The following KCNJ15 variants were observed in gnomAD, a reference collection of about 807,000 sequenced individuals.
KCNJ15 encodes ATP-sensitive inward rectifier potassium channel 15.
A neutral mutation model predicts 23.0 loss-of-function variants in KCNJ15; 14 were observed. That is an observed-to-expected ratio of 0.61 (90% CI 0.40 to 0.95). The LOEUF is 0.95. Ranked by LOEUF, KCNJ15 falls within the 40% of genes least tolerant of loss-of-function variation. The probability of loss-of-function intolerance (pLI) is 0.00; values close to 1 mark genes in which losing one functional copy is unlikely to be tolerated. For synonymous variants in KCNJ15, 185 were observed against 183.2 expected (o/e 1.01, Z -0.08); for missense variants, 388 against 461.8 (o/e 0.84, Z 1.46).
rs142222005 is a variant in KCNJ15 at position 38,282,711 on chromosome 21, G to A, written c.-116-14215G>A. Among the ~76,000 whole-genome samples the A allele has an allele frequency of 3.0e-4, 45 of 152,174 alleles. No individual in the cohort carries two copies. The East Asian group carries it at 8.3e-3, about 28-fold the overall frequency. Reference sequence around the variant, plus strand: ...CCCTTGAATGGCATCTCTGCCCACCGTGTGCCTCCCTTAAACATTAAGTTC... The same window carrying A: ...CCCTTGAATGGCATCTCTGCCCACCATGTGCCTCCCTTAAACATTAAGTTC... On this transcript the variant is annotated intron_variant, in intron 1 of 2. Coordinates refer to ENST00000398938, the MANE Select transcript of KCNJ15 (RefSeq NM_170736.3).
At chr21:38,277,094 AG>A (rs1982791911) in intron 1 of KCNJ15, among the ~76,000 whole-genome samples, 1 of 152,012 alleles carries the variant, frequency 6.6e-6, no homozygotes, top group Non-Finnish European at 1.5e-5. Flanking sequence ...GCACCAAAAA[AG>A]AAAAAAAAAA....
chr21:38,244,022 C>A (rs1333977951), intron 1 of KCNJ15, among the ~76,000 whole-genome samples: 2 of 152,154 alleles, frequency 1.3e-5, no homozygotes, highest in African/African-American at 4.8e-5. Context: ...TAAAGATTTG[C>A]TAAGTGACCC....
At chr21:38,255,704 TA>T (rs900433874), upstream of KCNJ15, among the ~76,000 whole-genome samples, 7 of 152,202 alleles carry the variant, frequency 4.6e-5, no homozygotes, top group African/African-American at 1.7e-4. Context: ...CCTTCCTTCC[TA>T]AAGACAGAAT....
upstream of KCNJ15, among the ~76,000 whole-genome samples, chr21:38,252,396 T>TC (rs1347170875): frequency 1.3e-5 from 2 of 152,140 alleles, no homozygotes; most frequent in Non-Finnish European, 2.9e-5. Context: ...TCACACAATA[T>TC]CATGGTTAGC....
intron 1 of KCNJ15, among the ~76,000 whole-genome samples, chr21:38,258,358 G>C (rs1980498130): frequency 6.6e-6 from 1 of 152,210 alleles, no homozygotes; most frequent in South Asian, 2.1e-4. Context: ...TACAGTATCA[G>C]AGACACTTCC....
intron 1 of KCNJ15, among the ~76,000 whole-genome samples, chr21:38,239,924 G>A (rs1016224062): frequency 1.3e-5 from 2 of 152,212 alleles, no homozygotes; most frequent in African/African-American, 2.4e-5. Context: ...CAAAGTTGAC[G>A]TTAAAACATT....
chr21:38,247,522 GTGGATGGATGGA>G lies in KCNJ15; in HGVS notation c.-398-9487_-398-9476del, dbSNP rs10579917. Among the ~76,000 whole-genome samples the G allele has an allele frequency of 5.3e-3, 727 of 137,414 alleles. 14 individuals carry two copies. The highest frequency in any genetic ancestry group is 0.014 in the African/African-American group (521 of 36,658). The allele number at this position is 137,414 out of a possible 152,430, so 90.1% of individuals were successfully genotyped here. A position where few individuals can be genotyped will look rare whatever the true frequency, so the allele number is the denominator to read the frequency against. The stretch of plus-strand genomic sequence containing the variant: ...AATGGATGGTTGGATAGATGCATAG[GTGGATGGATGGA>G]TGGATGGATGGATGGATGGATGGAT... On this transcript the variant is annotated intron_variant, in intron 1 of 4. Coordinates refer to the KCNJ15 transcript ENST00000547341.
At position 38,300,824 on chromosome 21, in the gene KCNJ15, CT is replaced by C. The variant is rs1377428651; in HGVS notation, c.*438del. 1.8e-5 allele frequency: 3 copies of C among 169,660 alleles called. No homozygotes were observed. Among genetic ancestry groups the C allele is most frequent in the African/African-American group, 7.2e-5 (3 of 41,504 alleles). 10.5% of individuals were successfully genotyped at this position (169,660 alleles called of 1,614,324 possible). ...GGTTCAGTATTCATTGATCTCACTG[CT>C]TTAAAACATGCTCTTTTTGTTCAAG... On this transcript the variant is annotated 3_prime_UTR_variant, in exon 3 of 3. Transcript: ENST00000398938.
At chr21:38,256,360 T>TATATATATATATATATATATATATATA (rs1384891155), upstream of KCNJ15, among the ~76,000 whole-genome samples, 1 of 106,236 alleles carries the variant, frequency 9.4e-6, no homozygotes, top group African/African-American at 4.8e-5. Flanking sequence ...TCTATTCAGC[T>TATATATATATATATATATATATATATA]TATATATATA....
chr21:38,269,422 C>A (rs908899880), intron 1 of KCNJ15, among the ~76,000 whole-genome samples: 10 of 152,176 alleles, frequency 6.6e-5, no homozygotes, highest in Admixed American at 4.6e-4. Context: ...CTATGAACAA[C>A]TATTGTTGTC....
chr21:38,233,511 C>T (rs1978407909), intron 1 of KCNJ15, among the ~76,000 whole-genome samples: 1 of 151,982 alleles, frequency 6.6e-6, no homozygotes, highest in South Asian at 2.1e-4. Flanking sequence ...CTCTGTTCCA[C>T]CTTTATTACT....
At chr21:38,295,612 CT>C (rs139153056) in intron 1 of KCNJ15, among the ~76,000 whole-genome samples, 2,114 of 151,774 alleles carry the variant, frequency 0.014, 42 homozygotes, top group African/African-American at 0.047. Context: ...TTCTCTCATT[CT>C]TTGTGTTTTT....
At chr21:38,242,015 G>A (rs548643914) in intron 1 of KCNJ15, among the ~76,000 whole-genome samples, 1 of 147,372 alleles carries the variant, frequency 6.8e-6, no homozygotes, top group South Asian at 2.1e-4. Flanking sequence ...CTCCCTTTTT[G>A]CCCTCTGTCC....
At chr21:38,237,173 G>C (rs139504038) in intron 1 of KCNJ15, 1 of 152,282 alleles carries the variant, frequency 6.6e-6, no homozygotes, top group East Asian at 1.9e-4. Context: ...CCCAAAATTT[G>C]GTTCAGATGT....
At chr21:38,296,827 A>AT (rs1985213288) in intron 1 of KCNJ15, 99 bp from the exon 2 acceptor site, 1 of 152,722 alleles carries the variant, frequency 6.5e-6, no homozygotes, top group Admixed American at 6.5e-5. Flanking sequence ...ATTGGAAGGT[A>AT]AATGCCACTG....
intron 2 of KCNJ15, 62 bp downstream of exon 2, chr21:38,297,085 G>A (rs1985240114): frequency 6.5e-6 from 1 of 152,920 alleles, no homozygotes; most frequent in Non-Finnish European, 1.5e-5. Context: ...AGAGGGCCAT[G>A]GCACCCTTTG....
intron 1 of KCNJ15, among the ~76,000 whole-genome samples, chr21:38,283,745 TTACTC>T (rs200816249): frequency 0.029 from 4,422 of 152,304 alleles, 80 homozygotes; most frequent in Non-Finnish European, 0.038. Context: ...TTATGCTAGA[TTACTC>T]TATCGGACAC....
rs557929119 is a variant in KCNJ15, at chr21:38,288,019, T to C, written c.-116-8907T>C. Among the ~76,000 whole-genome samples the C allele has an allele frequency of 1.6e-4, 20 of 125,302 alleles. 1 individual carries two copies. In the South Asian group the frequency reaches 5.2e-3, roughly 32 times the overall value. The allele number at this position is 125,302 out of a possible 152,430, so 82.2% of individuals were successfully genotyped here. A position where few individuals can be genotyped will look rare whatever the true frequency, so the allele number is the denominator to read the frequency against. ...ATTTGTCCCATTGTTAAATAACTTG[T>C]TTTTTTCTTTGTTTTTTTTTTTTTT... On this transcript the variant is annotated intron_variant, in intron 1 of 2. Coordinates refer to ENST00000398938, the MANE Select transcript of KCNJ15 (RefSeq NM_170736.3).
upstream of KCNJ15, among the ~76,000 whole-genome samples, chr21:38,255,265 C>T (rs375468144): frequency 5.9e-5 from 9 of 152,184 alleles, no homozygotes; most frequent in East Asian, 1.9e-4. Context: ...CATTCCAGGC[C>T]GAGGAAACAG....
Sources: gnomAD v4.1 joint callset for allele counts (sites outside exome capture counted in the v4.1 genomes callset) on GRCh38, gnomAD v4.1.1 for gene constraint, MANE v1.5 for transcripts, NCBI Gene and HGNC (gene_info 2026-07-23, HGNC 2026-07-21) for gene names.